The following TTC28 variants were observed in gnomAD, a reference collection of about 807,000 sequenced individuals.
TTC28 encodes the protein tetratricopeptide repeat protein 28.
TTC28 carries 61 observed loss-of-function variants against 198.0 expected under a neutral mutation model. That is an observed-to-expected ratio of 0.31 (90% CI 0.25 to 0.38). TTC28 has a LOEUF of 0.38. TTC28 is among the 10% of genes least tolerant of loss of function. The pLI is 1.00. For synonymous variants in TTC28, 1,171 were observed against 1,297.8 expected (o/e 0.90, Z 2.10); for missense variants, 2,678 against 3,164.0 (o/e 0.85, Z 3.69).
chr22:28,552,181 G>A (rs902172367), intron 2 of TTC28, among the ~76,000 whole-genome samples: 4 of 152,076 alleles, frequency 2.6e-5, no homozygotes, highest in South Asian at 2.1e-4. Flanking sequence ...CCAAGGAGGC[G>A]AAAGACCTCT....
chr22:28,320,065 T>A (rs1227600474), intron 2 of TTC28, among the ~76,000 whole-genome samples: 1 of 152,162 alleles, frequency 6.6e-6, no homozygotes, highest in African/African-American at 2.4e-5. Flanking sequence ...TTTTTCCTAA[T>A]CCACCATTCT....
intron 2 of TTC28, among the ~76,000 whole-genome samples, chr22:28,475,741 T>G (rs2048155113): frequency 6.6e-6 from 1 of 152,220 alleles, no homozygotes; most frequent in Non-Finnish European, 1.5e-5. Flanking sequence ...AAGTAAATTA[T>G]TTCCAAGTTT....
intron 2 of TTC28, among the ~76,000 whole-genome samples, chr22:28,457,538 G>A (rs74680665): frequency 1.1e-4 from 17 of 152,142 alleles, no homozygotes; most frequent in African/African-American, 4.1e-4. Flanking sequence ...TCATCGACAA[G>A]TAACAGTCAC....
At chr22:28,553,475 G>T (rs1233591071) in intron 2 of TTC28, among the ~76,000 whole-genome samples, 1 of 150,056 alleles carries the variant, frequency 6.7e-6, no homozygotes. Context: ...CTGCCCGGCC[G>T]CAACCCCGTC....
chr22:28,494,753 CTT>C (rs1368829904), intron 2 of TTC28, among the ~76,000 whole-genome samples: 1 of 148,154 alleles, frequency 6.7e-6, no homozygotes, highest in Non-Finnish European at 1.5e-5. Context: ...AAGACATAGA[CTT>C]AACATAGAAG....
intron 2 of TTC28, among the ~76,000 whole-genome samples, chr22:28,544,118 G>A (rs1304280600): frequency 6.6e-6 from 1 of 152,154 alleles, no homozygotes; most frequent in Non-Finnish European, 1.5e-5. Context: ...CTGCTCGGGA[G>A]GCTGAGGCAG....
chr22:28,551,860 A>T (rs2049678590), intron 2 of TTC28, among the ~76,000 whole-genome samples: 1 of 152,216 alleles, frequency 6.6e-6, no homozygotes, highest in Non-Finnish European at 1.5e-5. Context: ...TCAACATAGT[A>T]CCGGAAGTCC....
At chr22:28,362,571 TC>T (rs1215473742) in intron 2 of TTC28, among the ~76,000 whole-genome samples, 1 of 152,074 alleles carries the variant, frequency 6.6e-6, no homozygotes, top group Non-Finnish European at 1.5e-5. Flanking sequence ...GTTGGAACAG[TC>T]TGGAGGGCTC....
chr22:28,556,618 T>TC (rs1370417353), intron 2 of TTC28, among the ~76,000 whole-genome samples: 1 of 152,210 alleles, frequency 6.6e-6, no homozygotes, highest in Non-Finnish European at 1.5e-5. Flanking sequence ...TGAGAAGTTA[T>TC]CCCCAAAACA....
rs189378470 is a variant in TTC28, at chr22:28,249,060, T to A, written c.933+47138A>T. ...TTATATAATTCTTTATATACCCTAA[T>A]AATAATGTATCCCCTGAAGAGAACC... On this transcript the variant is annotated intron_variant, in intron 5 of 22. Coordinates refer to ENST00000397906, the MANE Select transcript of TTC28 (RefSeq NM_001145418.2). 9.2e-4 allele frequency among the ~76,000 whole-genome samples: 140 copies of A among 152,166 alleles called. 1 individual carries two copies. The highest frequency in any genetic ancestry group is 3.2e-3 in the African/African-American group (133 of 41,498).
rs967063732 is a variant in TTC28 at position 27,980,663 on chromosome 22, C to G, written c.*1558G>C. Reference sequence around the variant, plus strand: ...CCCAGGCCAGGTGGCCGCCCACCTTCATGAGGAACCCTGTAGTGAGGTGGG... The same window carrying G: ...CCCAGGCCAGGTGGCCGCCCACCTTGATGAGGAACCCTGTAGTGAGGTGGG... On this transcript the variant is annotated 3_prime_UTR_variant, in exon 23 of 23. Transcript: ENST00000397906. 5 of 152,276 alleles carry G rather than the reference C, an allele frequency of 3.3e-5. No individual in the cohort carries two copies. The highest frequency in any genetic ancestry group is 1.2e-4 in the African/African-American group (5 of 41,472). The allele number at this position is 152,276 out of a possible 1,614,324, so 9.4% of individuals were successfully genotyped here.
chr22:28,033,269 C>G lies in TTC28; in HGVS notation c.3933-2903G>C, dbSNP rs117057429. ...AGGGAACAACAAGCAGGCGATGTCA[C>G]AGATAAAGGAATCTCCCATTTACAA... On this transcript the variant is annotated intron_variant, in intron 12 of 22. Transcript: ENST00000397906. Among the ~76,000 whole-genome samples the G allele has an allele frequency of 3.2e-3, 480 of 152,268 alleles. 7 individuals are homozygous for G. In the East Asian group the frequency reaches 0.049, roughly 16 times the overall value.
At chr22:28,007,665 C>T (rs978428836) in intron 14 of TTC28, 1 of 152,204 alleles carries the variant, frequency 6.6e-6, no homozygotes, top group Non-Finnish European at 1.5e-5. Flanking sequence ...CCCTCCACCC[C>T]TAGTGGCAGA....
chr22:28,176,662 A>T (rs1250951067), intron 5 of TTC28, among the ~76,000 whole-genome samples: 3 of 152,234 alleles, frequency 2.0e-5, no homozygotes, highest in African/African-American at 7.2e-5. Context: ...ATGTATCCAA[A>T]CATCAAATTG....
At chr22:28,022,686 TC>T (rs1938661055) in intron 13 of TTC28, among the ~76,000 whole-genome samples, 1 of 152,162 alleles carries the variant, frequency 6.6e-6, no homozygotes, top group Non-Finnish European at 1.5e-5. Context: ...TGCTCCTAAA[TC>T]CCCTCTGGGG....
intron 2 of TTC28, among the ~76,000 whole-genome samples, chr22:28,339,985 C>G (rs1050009181): frequency 6.6e-6 from 1 of 152,184 alleles, no homozygotes; most frequent in Non-Finnish European, 1.5e-5. Flanking sequence ...GCGTCGCCTA[C>G]GCTGGGAGCT....
intron 13 of TTC28, among the ~76,000 whole-genome samples, chr22:28,016,355 G>C (rs1046410794): frequency 6.6e-6 from 1 of 152,196 alleles, no homozygotes; most frequent in Non-Finnish European, 1.5e-5. Context: ...TTGCTCTCCC[G>C]AGGAGACGCT....
chr22:28,388,889 G>C (rs2146055013), intron 2 of TTC28, among the ~76,000 whole-genome samples: 1 of 152,290 alleles, frequency 6.6e-6, no homozygotes, highest in Non-Finnish European at 1.5e-5. Flanking sequence ...TTGACTAGGA[G>C]TGGTGAGAGA....
At chr22:28,212,049 G>A (rs369660612) in intron 5 of TTC28, among the ~76,000 whole-genome samples, 75 of 152,116 alleles carry the variant, frequency 4.9e-4, no homozygotes, top group Non-Finnish European at 7.1e-4. Context: ...CGAAATGAAG[G>A]CAGAAATAAA....
Sources: allele counts gnomAD v4.1 joint callset (sites outside exome capture counted in the v4.1 genomes callset), GRCh38; gene constraint gnomAD v4.1.1; transcripts MANE v1.5; gene names NCBI Gene and HGNC (gene_info 2026-07-23, HGNC 2026-07-21).